EXOC1: variants seen among roughly 807,000 people sequenced by gnomAD.
EXOC1 encodes the protein SEC3-like 1.
A neutral mutation model predicts 107.7 loss-of-function variants in EXOC1; 67 were observed. That is an observed-to-expected ratio of 0.62 (90% CI 0.51 to 0.76). The LOEUF is 0.76. Ranked by LOEUF, EXOC1 falls within the 30% of genes least tolerant of loss-of-function variation. EXOC1 has a pLI of 0.00. For synonymous variants in EXOC1, 348 were observed against 353.5 expected (o/e 0.98, Z 0.17); for missense variants, 833 against 1,055.7 (o/e 0.79, Z 2.92).
intron 10 of EXOC1, among the ~76,000 whole-genome samples, chr4:55,886,463 G>GAGTGATCCGTGC (rs1723884007): frequency 6.6e-6 from 1 of 151,604 alleles, no homozygotes; most frequent in Non-Finnish European, 1.5e-5. Context: ...TGAGGGGCAC[G>GAGTGATCCGTGC]GATCACTTGA....
intron 7 of EXOC1, among the ~76,000 whole-genome samples, chr4:55,871,586 G>GC (rs1232609605): frequency 1.3e-5 from 2 of 152,012 alleles, no homozygotes; most frequent in Admixed American, 1.3e-4. Flanking sequence ...AGATTGCCTG[G>GC]CCCCAGTCCC....
intron 17 of EXOC1, chr4:55,900,433 T>G (rs1725766433): frequency 6.6e-6 from 1 of 152,204 alleles, no homozygotes; most frequent in South Asian, 2.1e-4. Context: ...TCTTTTTTTT[T>G]CCTTACTTGA....
intron 2 of EXOC1, among the ~76,000 whole-genome samples, chr4:55,860,017 T>C (rs1721328802): frequency 1.3e-5 from 2 of 152,182 alleles, no homozygotes; most frequent in Admixed American, 1.3e-4. Flanking sequence ...CCCAGGAGTT[T>C]AATTAAGACC....
intron 9 of EXOC1, among the ~76,000 whole-genome samples, chr4:55,878,391 C>T (rs984401110): frequency 1.1e-4 from 17 of 152,114 alleles, no homozygotes; most frequent in African/African-American, 2.7e-4. Context: ...AGGTATTTGC[C>T]CTCTGTGGAT....
At position 55,890,158 on chromosome 4, in the gene EXOC1, C is replaced by T. The variant is rs17086117; in HGVS notation, c.1376-65C>T. On this transcript the variant is annotated intron_variant, in intron 11 of 18. Coordinates refer to ENST00000381295, the MANE Select transcript of EXOC1 (RefSeq NM_001024924.2). ...CCAGTAGAAGATAGAAGATCTATCC[C>T]TGCTTTATACTTTGGATCATTTATT... 1.7e-3 allele frequency: 2,622 copies of T among 1,508,894 alleles called. 42 individuals carry two copies. The African/African-American group carries it at 0.03, about 17-fold the overall frequency. The allele number at this position is 1,508,894 out of a possible 1,614,324, so 93.5% of individuals were successfully genotyped here. A position where few individuals can be genotyped will look rare whatever the true frequency, so the allele number is the denominator to read the frequency against.
chr4:55,892,345 C>T (rs1017185712), intron 13 of EXOC1, among the ~76,000 whole-genome samples: 3 of 152,120 alleles, frequency 2.0e-5, no homozygotes, highest in African/African-American at 4.8e-5. Flanking sequence ...CCCACTCCCA[C>T]ACCTTGCGTT....
intron 7 of EXOC1, 136 bp from the exon 8 acceptor site, chr4:55,871,713 A>G (rs1029765321): frequency 6.0e-6 from 4 of 669,066 alleles, no homozygotes; most frequent in Admixed American, 3.3e-5. Flanking sequence ...TCTCCTGCTT[A>G]ACTTTTATCA....
chr4:55,854,523 C>T lies in EXOC1; in HGVS notation c.-11+570C>T, dbSNP rs147888298. Among the ~76,000 whole-genome samples the T allele has an allele frequency of 5.0e-3, 764 of 152,326 alleles. 6 individuals carry two copies. The highest frequency in any genetic ancestry group is 0.018 in the African/African-American group (730 of 41,562). On this transcript the variant is annotated intron_variant, in intron 1 of 18. Transcript: ENST00000381295. ...AAAGACTGAAGAGTTAATCACTCGA[C>T]TCTTAGGATGTAAATGCCATAGAAA...
intron 9 of EXOC1, among the ~76,000 whole-genome samples, chr4:55,881,902 A>G (rs750747921): frequency 6.6e-6 from 1 of 152,132 alleles, no homozygotes; most frequent in Non-Finnish European, 1.5e-5. Flanking sequence ...TGGAGACCCT[A>G]CAGCGGACCC....
At position 55,860,393 on chromosome 4, in the gene EXOC1, G is replaced by T. The variant is rs767223135; in HGVS notation, c.125-18G>T. The T allele has an allele frequency of 6.2e-7, 1 of 1,612,626 alleles. No individual in the cohort carries two copies. The highest frequency in any genetic ancestry group is 1.1e-5 in the South Asian group (1 of 90,998). ...AAGGGGTAATATTTCTAATAAAAGT[G>T]TGCGTTTTACTCAACAGTGACAACT... On this transcript the variant is annotated intron_variant, in intron 2 of 18. Coordinates refer to ENST00000381295, the MANE Select transcript of EXOC1 (RefSeq NM_001024924.2).
chr4:55,876,809 CCTTTTTT>C (rs1722941099), intron 8 of EXOC1: 4 of 983,644 alleles, frequency 4.1e-6, no homozygotes, highest in Non-Finnish European at 4.8e-6. Context: ...TATAATGGGT[CCTTTTTT>C]CTTTTTAATT....
intron 3 of EXOC1, 58 bp downstream of exon 3, chr4:55,860,599 T>A: frequency 6.4e-7 from 1 of 1,571,650 alleles, no homozygotes; most frequent in South Asian, 1.2e-5. Flanking sequence ...TTTTATAACA[T>A]GGTATTACAT....
chr4:55,893,470 A>G (rs2109469470), intron 14 of EXOC1, 82 bp from the exon 15 acceptor site: 1 of 1,199,228 alleles, frequency 8.3e-7, no homozygotes, highest in Admixed American at 2.1e-5. Context: ...GTCCTTTTGT[A>G]TATACCCAGT....
chr4:55,877,065 T>A, intron 8 of EXOC1: 1 of 979,170 alleles, frequency 1.0e-6, no homozygotes, highest in Non-Finnish European at 1.2e-6. Context: ...ACCACTAGGT[T>A]ATTTTGTGTA....
chr4:55,888,877 A>C lies in EXOC1; in HGVS notation c.1331-11A>C, dbSNP rs773643274. ...CTTTGTCTTTGATGCTTGCAACCTA[A>C]TCCATCACAGCTACACTGCCTCGAA... is the stretch of plus-strand genomic sequence containing the variant. On this transcript the variant is annotated splice_polypyrimidine_tract_variant and intron_variant, in intron 10 of 18. Coordinates refer to ENST00000381295, the MANE Select transcript of EXOC1 (RefSeq NM_001024924.2). The C allele has an allele frequency of 1.9e-6, 3 of 1,613,550 alleles. No homozygotes were observed. The highest frequency in any genetic ancestry group is 2.5e-6 in the Non-Finnish European group (3 of 1,179,690).
At chr4:55,887,550 T>A (rs1724041950) in intron 10 of EXOC1, among the ~76,000 whole-genome samples, 1 of 152,076 alleles carries the variant, frequency 6.6e-6, no homozygotes, top group Admixed American at 6.6e-5. Context: ...CCTCAAATTA[T>A]AATTAATAGG....
chr4:55,874,913 T>A (rs948417293), intron 8 of EXOC1, among the ~76,000 whole-genome samples: 26 of 152,300 alleles, frequency 1.7e-4, no homozygotes, highest in African/African-American at 6.3e-4. Context: ...GAATATGTCC[T>A]TTAAAAAATT....
At chr4:55,883,597 A>G (rs1424805570) in intron 9 of EXOC1, 3 of 348,042 alleles carry the variant, frequency 8.6e-6, no homozygotes, top group East Asian at 5.9e-5. Context: ...AAATGAAAAT[A>G]TAAATATGGT....
In EXOC1 at chr4:55,883,804, A is replaced by G. The variant is rs1207042425; in HGVS notation, c.1225-19A>G. On this transcript the variant is annotated intron_variant, in intron 9 of 18. Coordinates refer to ENST00000381295, the MANE Select transcript of EXOC1 (RefSeq NM_001024924.2). ...TATGTGTTTTATTAATAAGAAGTAC[A>G]TGTTACTTTTATTTTAAGAATTACA... 6.9e-7 allele frequency: 1 copy of G among 1,446,284 alleles called. No homozygotes were observed. The highest frequency in any genetic ancestry group is 2.4e-5 in the East Asian group (1 of 41,368). The allele number at this position is 1,446,284 out of a possible 1,614,324, so 89.6% of individuals were successfully genotyped here. A position where few individuals can be genotyped will look rare whatever the true frequency, so the allele number is the denominator to read the frequency against.
Sources: gnomAD v4.1 joint callset for allele counts (sites outside exome capture counted in the v4.1 genomes callset) on GRCh38, gnomAD v4.1.1 for gene constraint, MANE v1.5 for transcripts, NCBI Gene and HGNC (gene_info 2026-07-23, HGNC 2026-07-21) for gene names.